Variants in LOXL2 observed in about 807,000 individuals in gnomAD.
LOXL2 encodes lysyl oxidase like 2.
Under a neutral mutation model 93.0 loss-of-function variants are expected in LOXL2, and 70 were observed. That is an observed-to-expected ratio of 0.75 (90% CI 0.62 to 0.92). The LOEUF (loss-of-function observed/expected upper bound fraction) is 0.92, where lower values mean the gene tolerates loss of function less well. Among genes scored for constraint, LOXL2 ranks in the 40% least tolerant of loss-of-function variants. The pLI is 0.00. For missense variants in LOXL2, 973 were observed against 1,054.9 expected (o/e 0.92, Z 1.08); for synonymous variants, 438 against 413.2 (o/e 1.06, Z -0.73).
intron 3 of LOXL2, among the ~76,000 whole-genome samples, chr8:23,349,062 C>A (rs751580590): frequency 6.6e-6 from 1 of 152,118 alleles, no homozygotes; most frequent in African/African-American, 2.4e-5. Flanking sequence ...TGCAGACCTT[C>A]GTGACCCTCT....
intron 9 of LOXL2, among the ~76,000 whole-genome samples, chr8:23,310,760 C>T (rs76612893): frequency 2.0e-5 from 3 of 152,222 alleles, no homozygotes; most frequent in Non-Finnish European, 4.4e-5. Context: ...ACTGCTGCCC[C>T]ACAGGAGAGT....
At chr8:23,307,746 AACTCTACTG>A (rs1247295906) in intron 10 of LOXL2, among the ~76,000 whole-genome samples, 2 of 152,166 alleles carry the variant, frequency 1.3e-5, no homozygotes, top group Non-Finnish European at 2.9e-5. Flanking sequence ...TCATGACTTT[AACTCTACTG>A]ACTTACAACC....
In LOXL2 at chr8:23,379,951, C is replaced by T. The variant is rs556733673; in HGVS notation, c.-83-11517G>A. On this transcript the variant is annotated intron_variant, in intron 1 of 13. Coordinates refer to ENST00000389131, the MANE Select transcript of LOXL2 (RefSeq NM_002318.3). ...TGCGGGCTGCACCCACTGTCCTGAC[C>T]CCACTGTCCTACGAGCCCCAGTGAG... is the stretch of plus-strand genomic sequence containing the variant. Among the ~76,000 whole-genome samples, 60 of 150,934 alleles carry T rather than the reference C, an allele frequency of 4.0e-4. No homozygotes were observed. The South Asian group carries it at 7.7e-3, about 19-fold the overall frequency.
At chr8:23,343,690 T>C (rs1386407394) in intron 3 of LOXL2, among the ~76,000 whole-genome samples, 1 of 152,182 alleles carries the variant, frequency 6.6e-6, no homozygotes, top group Non-Finnish European at 1.5e-5. Context: ...TCCGTTTCCT[T>C]TCCACCACAG....
At chr8:23,348,595 C>T (rs746725760) in intron 3 of LOXL2, among the ~76,000 whole-genome samples, 31 of 151,648 alleles carry the variant, frequency 2.0e-4, no homozygotes, top group Non-Finnish European at 3.8e-4. Context: ...ACAGTGGCCT[C>T]GGCCGGGTGC....
At chr8:23,387,677 C>T (rs990331937) in intron 1 of LOXL2, among the ~76,000 whole-genome samples, 4 of 152,294 alleles carry the variant, frequency 2.6e-5, no homozygotes, top group African/African-American at 4.8e-5. Flanking sequence ...AGGCCAGGCA[C>T]GGTGGCTCAT....
intron 3 of LOXL2, among the ~76,000 whole-genome samples, chr8:23,344,218 T>C (rs566742012): frequency 1.3e-5 from 2 of 152,320 alleles, no homozygotes; most frequent in African/African-American, 4.8e-5. Context: ...CTCCGCTGAA[T>C]AGGGCTGGTG....
At chr8:23,342,623 G>C (rs1416309631) in intron 3 of LOXL2, among the ~76,000 whole-genome samples, 1 of 152,140 alleles carries the variant, frequency 6.6e-6, no homozygotes, top group Non-Finnish European at 1.5e-5. Flanking sequence ...AGTAGAGACA[G>C]GGTTTCACCA....
chr8:23,318,321 G>T (rs1803435937), intron 8 of LOXL2, among the ~76,000 whole-genome samples: 1 of 151,908 alleles, frequency 6.6e-6, no homozygotes, highest in Non-Finnish European at 1.5e-5. Context: ...CCCCATAATT[G>T]GATGAGCCAA....
At chr8:23,356,967 T>C (rs917488220) in intron 3 of LOXL2, among the ~76,000 whole-genome samples, 13 of 152,246 alleles carry the variant, frequency 8.5e-5, no homozygotes, top group African/African-American at 2.9e-4. Context: ...AACCAGCAGG[T>C]ACCCAACAAA....
intron 5 of LOXL2, among the ~76,000 whole-genome samples, chr8:23,330,153 G>A (rs143892273): frequency 1.4e-4 from 21 of 151,968 alleles, no homozygotes; most frequent in South Asian, 6.2e-4. Context: ...GTGAAACCCC[G>A]TCTCTACTAA....
chr8:23,393,597 T>A (rs1436029748), intron 1 of LOXL2, among the ~76,000 whole-genome samples: 1 of 152,156 alleles, frequency 6.6e-6, no homozygotes, highest in Non-Finnish European at 1.5e-5. Context: ...GTAAAACCCT[T>A]AGAATAAAAC....
At chr8:23,348,354 A>T (rs1279296612) in intron 3 of LOXL2, among the ~76,000 whole-genome samples, 2 of 151,906 alleles carry the variant, frequency 1.3e-5, no homozygotes, top group African/African-American at 4.8e-5. Flanking sequence ...ATGTATACCT[A>T]TGTAACGGGC....
intron 4 of LOXL2, chr8:23,336,401 C>T (rs1158847513): frequency 6.6e-6 from 1 of 152,338 alleles, no homozygotes; most frequent in Non-Finnish European, 1.5e-5. Flanking sequence ...GGACAGGCCT[C>T]TGAGCTGCAG....
intron 1 of LOXL2, among the ~76,000 whole-genome samples, chr8:23,388,671 T>A (rs750843929): frequency 1.5e-4 from 20 of 136,592 alleles, no homozygotes; most frequent in Non-Finnish European, 2.3e-4. Flanking sequence ...ACACACACAC[T>A]AGAAATGTAC....
intron 4 of LOXL2, 95 bp downstream of exon 4, chr8:23,340,897 T>C: frequency 8.4e-7 from 1 of 1,194,346 alleles, no homozygotes. Flanking sequence ...TGGCCATGCC[T>C]GGCCAAGGAA....
chr8:23,365,712 T>C (rs887766506), intron 2 of LOXL2: 3 of 152,276 alleles, frequency 2.0e-5, no homozygotes, highest in Non-Finnish European at 4.4e-5. Context: ...AGGTCTCTCA[T>C]TACCAGAGAT....
intron 1 of LOXL2, among the ~76,000 whole-genome samples, chr8:23,395,382 A>T (rs1254662895): frequency 6.6e-6 from 1 of 151,680 alleles, no homozygotes; most frequent in African/African-American, 2.4e-5. Flanking sequence ...AAAATTGGCA[A>T]TATAGAGACA....
At chr8:23,303,211 C>T (rs1803168540) in intron 11 of LOXL2, 71 bp downstream of exon 11, 1 of 949,072 alleles carries the variant, frequency 1.1e-6, no homozygotes, top group Non-Finnish European at 1.7e-6. Context: ...TGGGCTCCAG[C>T]CAGGTGATCG....
Sources: allele counts gnomAD v4.1 joint callset (sites outside exome capture counted in the v4.1 genomes callset), GRCh38; gene constraint gnomAD v4.1.1; transcripts MANE v1.5; gene names NCBI Gene and HGNC (gene_info 2026-07-23, HGNC 2026-07-21).